MAPK10: variants seen among roughly 807,000 people sequenced by gnomAD.
MAPK10 encodes mitogen-activated protein kinase 10, also known as JNK3 alpha protein kinase.
Under a neutral mutation model 59.3 loss-of-function variants are expected in MAPK10, and 25 were observed. The observed-to-expected ratio is 0.42, with a 90% CI of 0.31 to 0.59. MAPK10 has a LOEUF of 0.59. MAPK10 is among the 20% of genes least tolerant of loss of function. The pLI is 0.15. For missense variants in MAPK10, 351 were observed against 568.9 expected, an observed-to-expected ratio of 0.62 and a Z score of 3.90; for synonymous variants, 190 against 200.5, an observed-to-expected ratio of 0.95 and a Z score of 0.44.
At chr4:86,148,643 C>T (rs2149201835) in intron 4 of MAPK10, among the ~76,000 whole-genome samples, 1 of 152,240 alleles carries the variant, frequency 6.6e-6, no homozygotes, top group Admixed American at 6.5e-5. Flanking sequence ...AAGGAAGAAA[C>T]TATGACTCCG....
chr4:86,187,599 T>C (rs1447434012), intron 3 of MAPK10, among the ~76,000 whole-genome samples: 1 of 152,176 alleles, frequency 6.6e-6, no homozygotes, highest in African/African-American at 2.4e-5. Context: ...ACTATTTTTA[T>C]GGTTAAAGAC....
At chr4:86,244,189 G>A (rs1386806402) in intron 2 of MAPK10, among the ~76,000 whole-genome samples, 1 of 152,064 alleles carries the variant, frequency 6.6e-6, no homozygotes, top group African/African-American at 2.4e-5. Context: ...AACTGAAAAA[G>A]CATAAAAAGG....
At chr4:86,083,641 C>G (rs1039965902) in intron 9 of MAPK10, among the ~76,000 whole-genome samples, 3 of 152,018 alleles carry the variant, frequency 2.0e-5, no homozygotes, top group African/African-American at 4.8e-5. Flanking sequence ...ACTGCAACTC[C>G]TAGGAAAGTC....
At chr4:86,223,159 C>T (rs1458958180) in intron 2 of MAPK10, among the ~76,000 whole-genome samples, 3 of 152,138 alleles carry the variant, frequency 2.0e-5, no homozygotes, top group Non-Finnish European at 4.4e-5. Flanking sequence ...TTACTTTTTA[C>T]CAAATTTTAA....
intron 1 of MAPK10, among the ~76,000 whole-genome samples, chr4:86,394,767 T>A (rs928794580): frequency 2.6e-5 from 4 of 152,154 alleles, no homozygotes; most frequent in Non-Finnish European, 4.4e-5. Context: ...GAGATTTGGA[T>A]CTACAATGAC....
intron 2 of MAPK10, among the ~76,000 whole-genome samples, chr4:86,280,745 T>C (rs771265592): frequency 2.6e-5 from 4 of 151,956 alleles, no homozygotes; most frequent in Non-Finnish European, 2.9e-5. Flanking sequence ...ATATACACCA[T>C]GGAATACTAT....
intron 3 of MAPK10, among the ~76,000 whole-genome samples, chr4:86,177,322 T>C (rs2075904495): frequency 6.6e-6 from 1 of 152,136 alleles, no homozygotes; most frequent in Non-Finnish European, 1.5e-5. Context: ...ACAGTTTACC[T>C]GTTACATTAT....
chr4:86,478,587 G>A (rs528888145), intron 1 of MAPK10, among the ~76,000 whole-genome samples: 31 of 152,136 alleles, frequency 2.0e-4, no homozygotes, highest in Non-Finnish European at 3.1e-4. Context: ...TCCTTCAGCT[G>A]TACTCACTCT....
chr4:86,404,886 TATAAC>T (rs1263417108), intron 1 of MAPK10, among the ~76,000 whole-genome samples: 2 of 152,112 alleles, frequency 1.3e-5, no homozygotes, highest in African/African-American at 4.8e-5. Context: ...CTATAATACA[TATAAC>T]ATAATATAAT....
intron 2 of MAPK10, among the ~76,000 whole-genome samples, chr4:86,329,984 T>C (rs1489598600): frequency 1.3e-5 from 2 of 152,210 alleles, no homozygotes; most frequent in South Asian, 4.1e-4. Flanking sequence ...TAGAATTTTA[T>C]GTCCCTAATT....
At chr4:86,310,451 T>C (rs1314961017) in intron 2 of MAPK10, among the ~76,000 whole-genome samples, 1 of 152,206 alleles carries the variant, frequency 6.6e-6, no homozygotes, top group African/African-American at 2.4e-5. Flanking sequence ...AATATATTTA[T>C]TGAATATGGG....
intron 2 of MAPK10, among the ~76,000 whole-genome samples, chr4:86,260,626 G>A (rs1232584748): frequency 6.6e-6 from 1 of 151,998 alleles, no homozygotes; most frequent in Non-Finnish European, 1.5e-5. Flanking sequence ...ACAAATCAAA[G>A]CTGTCTGCAT....
At chr4:86,210,031 C>T (rs2085340199) in intron 2 of MAPK10, among the ~76,000 whole-genome samples, 1 of 152,036 alleles carries the variant, frequency 6.6e-6, no homozygotes, top group African/African-American at 2.4e-5. Flanking sequence ...GGGGAAAGAA[C>T]AGTCTCTTCA....
In MAPK10 at chr4:86,526,075, G is replaced by A. The variant is rs115252302; in HGVS notation, c.-263+67835C>T. On this transcript the variant is annotated intron_variant, in intron 1 of 4. Transcript: ENST00000502302. ...CAGATTTTGGTATCAGGGTGATGCT[G>A]GCTTCACAGAGTAAGATAGGAAGAG... is the stretch of plus-strand genomic sequence containing the variant. Among the ~76,000 whole-genome samples the A allele has an allele frequency of 2.1e-3, 313 of 152,190 alleles. 1 individual carries two copies. The highest frequency in any genetic ancestry group is 7.3e-3 in the African/African-American group (302 of 41,516).
At chr4:86,497,266 C>G (rs1754936833) in intron 1 of MAPK10, among the ~76,000 whole-genome samples, 1 of 152,156 alleles carries the variant, frequency 6.6e-6, no homozygotes, top group East Asian at 1.9e-4. Context: ...TTCTCATTGT[C>G]AATGCCTGGA....
At chr4:86,427,773 T>A (rs1747497135) in intron 1 of MAPK10, among the ~76,000 whole-genome samples, 1 of 152,216 alleles carries the variant, frequency 6.6e-6, no homozygotes, top group African/African-American at 2.4e-5. Flanking sequence ...ATTTCTGTTC[T>A]TTAGTGAGTG....
intron 1 of MAPK10, among the ~76,000 whole-genome samples, chr4:86,583,620 C>T (rs1376320420): frequency 6.6e-6 from 1 of 152,092 alleles, no homozygotes; most frequent in Non-Finnish European, 1.5e-5. Flanking sequence ...TGCAGTGATC[C>T]TGGATTGGAT....
chr4:86,466,242 G>A (rs1752188171), intron 1 of MAPK10, among the ~76,000 whole-genome samples: 1 of 152,220 alleles, frequency 6.6e-6, no homozygotes, highest in Non-Finnish European at 1.5e-5. Context: ...AGAACAGGCA[G>A]AGGTGCTGTG....
intron 2 of MAPK10, among the ~76,000 whole-genome samples, chr4:86,221,798 T>C (rs563932079): frequency 5.3e-5 from 8 of 152,262 alleles, no homozygotes; most frequent in African/African-American, 1.9e-4. Context: ...GAGCACAGCA[T>C]ATCATGTTCA....
Sources: allele counts gnomAD v4.1 joint callset (sites outside exome capture counted in the v4.1 genomes callset), GRCh38; gene constraint gnomAD v4.1.1; transcripts MANE v1.5; gene names NCBI Gene and HGNC (gene_info 2026-07-23, HGNC 2026-07-21).